The following MYO1D variants were observed in gnomAD, a reference collection of about 807,000 sequenced individuals.
MYO1D encodes myosin ID, also known as unconventional myosin-Id.
A neutral mutation model predicts 122.0 loss-of-function variants in MYO1D; 83 were observed. That is an observed-to-expected ratio of 0.68 (90% CI 0.57 to 0.82). The LOEUF (loss-of-function observed/expected upper bound fraction) is 0.82. MYO1D is among the 40% of genes least tolerant of loss of function. The pLI, the probability that MYO1D is intolerant of heterozygous loss-of-function variation, is 0.00. For synonymous variants in MYO1D, 464 were observed against 446.9 expected, an observed-to-expected ratio of 1.04 and a Z score of -0.48; for missense variants, 1,157 against 1,269.5, an observed-to-expected ratio of 0.91 and a Z score of 1.35.
chr17:32,599,158 A>T (rs1662400740), intron 21 of MYO1D, among the ~76,000 whole-genome samples: 1 of 152,222 alleles, frequency 6.6e-6, no homozygotes, highest in South Asian at 2.1e-4. Context: ...TGTCTTTCAA[A>T]ATTGGAGTCA....
chr17:32,824,929 G>A (rs934115079), intron 1 of MYO1D, among the ~76,000 whole-genome samples: 1 of 152,100 alleles, frequency 6.6e-6, no homozygotes. Context: ...TTACTTTTGT[G>A]GAGTAGAATT....
intron 1 of MYO1D, among the ~76,000 whole-genome samples, chr17:32,811,312 C>T (rs2090570010): frequency 6.6e-6 from 1 of 152,180 alleles, no homozygotes; most frequent in South Asian, 2.1e-4. Flanking sequence ...TTCCTCATCT[C>T]CATGAATGGC....
intron 8 of MYO1D, among the ~76,000 whole-genome samples, chr17:32,760,876 C>T (rs1220535328): frequency 6.6e-6 from 1 of 152,186 alleles, no homozygotes; most frequent in Non-Finnish European, 1.5e-5. Context: ...ATTCCAACGA[C>T]ACTCTCCAGG....
chr17:32,685,215 A>G (rs1485440960), intron 16 of MYO1D, among the ~76,000 whole-genome samples: 1 of 152,176 alleles, frequency 6.6e-6, no homozygotes, highest in East Asian at 1.9e-4. Context: ...GAAGAAAAAA[A>G]ATTAGACTGG....
chr17:32,513,169 G>C (rs1271399423), intron 21 of MYO1D, among the ~76,000 whole-genome samples: 3 of 152,164 alleles, frequency 2.0e-5, no homozygotes, highest in Admixed American at 1.3e-4. Flanking sequence ...GCTTAATAAA[G>C]AGCCAATACA....
At chr17:32,875,849 C>T (rs908669605) in intron 1 of MYO1D, among the ~76,000 whole-genome samples, 1 of 152,186 alleles carries the variant, frequency 6.6e-6, no homozygotes, top group African/African-American at 2.4e-5. Context: ...GGGAAACATA[C>T]ACACGCACAC....
intron 13 of MYO1D, among the ~76,000 whole-genome samples, chr17:32,742,014 C>CA (rs55636240): frequency 0.49 from 52,043 of 105,792 alleles, 11,223 homozygotes; most frequent in East Asian, 0.74. Flanking sequence ...GACTCCGTCT[C>CA]AAAAAAAAAA....
intron 1 of MYO1D, among the ~76,000 whole-genome samples, chr17:32,847,809 C>A (rs2151079037): frequency 6.6e-6 from 1 of 152,300 alleles, no homozygotes; most frequent in Non-Finnish European, 1.5e-5. Flanking sequence ...GCCACCATGC[C>A]TAGCCAGAAT....
intron 21 of MYO1D, chr17:32,519,323 C>G (rs1186071865): frequency 6.6e-6 from 1 of 152,418 alleles, no homozygotes; most frequent in African/African-American, 2.4e-5. Context: ...CGGCCCCGGG[C>G]ACCTGCAGCG....
At chr17:32,620,556 G>A (rs552224389) in intron 20 of MYO1D, among the ~76,000 whole-genome samples, 207 of 151,456 alleles carry the variant, frequency 1.4e-3, no homozygotes, top group Non-Finnish European at 2.0e-3. Context: ...ACCCCCCCCT[G>A]CCAAGTTCCT....
At chr17:32,524,016 C>T (rs557427410) in intron 21 of MYO1D, among the ~76,000 whole-genome samples, 1 of 152,276 alleles carries the variant, frequency 6.6e-6, no homozygotes, top group East Asian at 1.9e-4. Context: ...CAGCACAGTG[C>T]CTGGAGCACA....
intron 19 of MYO1D, 38 bp downstream of exon 19, chr17:32,653,805 T>G (rs765062112): frequency 1.2e-5 from 18 of 1,553,224 alleles, no homozygotes; most frequent in Non-Finnish European, 1.5e-5. Context: ...TGAATCAGTC[T>G]TTCCTTTCCA....
At chr17:32,548,319 C>T (rs1349500373) in intron 21 of MYO1D, among the ~76,000 whole-genome samples, 1 of 150,780 alleles carries the variant, frequency 6.6e-6, no homozygotes, top group Non-Finnish European at 1.5e-5. Context: ...GTCCCAGCTA[C>T]TGGGAGGCTG....
At chr17:32,669,868 A>T (rs1174872538) in intron 16 of MYO1D, among the ~76,000 whole-genome samples, 1 of 151,514 alleles carries the variant, frequency 6.6e-6, no homozygotes, top group African/African-American at 2.4e-5. Context: ...AGGCATACAC[A>T]TTTGTCAGGA....
At chr17:32,814,016 G>C (rs560537469) in intron 1 of MYO1D, among the ~76,000 whole-genome samples, 1 of 152,294 alleles carries the variant, frequency 6.6e-6, no homozygotes, top group East Asian at 1.9e-4. Flanking sequence ...ACACTTTTTA[G>C]AAAAGTGACC....
At chr17:32,595,485 G>A (rs1480626684) in intron 21 of MYO1D, among the ~76,000 whole-genome samples, 1 of 151,974 alleles carries the variant, frequency 6.6e-6, no homozygotes. Context: ...TTAAAAAAAG[G>A]AAAAGAGGTA....
intron 21 of MYO1D, among the ~76,000 whole-genome samples, chr17:32,561,447 T>C (rs1267181003): frequency 6.6e-6 from 1 of 152,028 alleles, no homozygotes; most frequent in Non-Finnish European, 1.5e-5. Context: ...CCTAGCACTT[T>C]GAGAGGCCAA....
intron 16 of MYO1D, among the ~76,000 whole-genome samples, chr17:32,693,158 A>G (rs978086931): frequency 1.3e-5 from 2 of 152,220 alleles, no homozygotes; most frequent in Admixed American, 1.3e-4. Flanking sequence ...CTATTCACGA[A>G]ATCACTTCCC....
chr17:32,616,834 C>T (rs182485526), intron 20 of MYO1D, among the ~76,000 whole-genome samples: 2 of 152,296 alleles, frequency 1.3e-5, no homozygotes, highest in East Asian at 3.9e-4. Flanking sequence ...GAGGCCTGCT[C>T]ATAAAAGGCA....
Sources: allele counts gnomAD v4.1 joint callset (sites outside exome capture counted in the v4.1 genomes callset), GRCh38; gene constraint gnomAD v4.1.1; transcripts MANE v1.5; gene names NCBI Gene and HGNC (gene_info 2026-07-23, HGNC 2026-07-21).